The following AMELY variants were observed in gnomAD, a reference collection of about 807,000 sequenced individuals.
The protein encoded by AMELY is amelogenin Y-linked, also known as amelogenin, Y isoform.
In AMELY, 4 loss-of-function variants were observed where a neutral mutation model predicts 4.2. That is an observed-to-expected ratio of 0.96 (90% confidence interval 0.47 to 2.19). The LOEUF is 2.19. AMELY is among the 30% of genes most tolerant of loss of function. The pLI is 0.02. For missense variants in AMELY, 32 were observed against 41.5 expected, an observed-to-expected ratio of 0.77 and a Z score of 0.63; for synonymous variants, 11 against 14.7, an observed-to-expected ratio of 0.75 and a Z score of 0.57.
At chrY:6,871,990 CAACAAA>C (rs2054068372) in intron 3 of AMELY, among the ~76,000 whole-genome samples, 1 of 30,161 alleles carries the variant, frequency 3.3e-5, no homozygotes, top group African/African-American at 1.3e-4. Flanking sequence ...ACAACAACAA[CAACAAA>C]AAAACCTACA....
chrY:6,910,393 C>T (rs775141806), intron 1 of AMELY, among the ~76,000 whole-genome samples: 2 of 32,075 alleles, frequency 6.2e-5, no homozygotes, highest in East Asian at 1.7e-3. Context: ...TCCCCTCGCC[C>T]ACCCTCGGCA....
intron 1 of AMELY, among the ~76,000 whole-genome samples, chrY:6,886,537 G>A: frequency 3.0e-5 from 1 of 33,537 alleles, no homozygotes; most frequent in Non-Finnish European, 7.4e-5. Context: ...GCCAAGCATT[G>A]TGGTACACAT....
chrY:6,872,599 A>G lies in AMELY; in HGVS notation c.10T>C (p.Trp4Arg). Residue 4 changes from tryptophan (W) to arginine (R), a missense_variant, in exon 3 of 7, where the codon TGG becomes CGG. By Grantham distance (101) the Trp-to-Arg change is moderately radical (BLOSUM62 -3). Transcript: ENST00000651267. MGT[W>R]ILFACLVGAA... Reference sequence around the variant, plus strand: ...CCCACAAGGCAGGCAAACAAAATCCAGGTCCCCATTTCTTGATGGTTCTGA... The same window carrying G: ...CCCACAAGGCAGGCAAACAAAATCCGGGTCCCCATTTCTTGATGGTTCTGA... 2.5e-6 allele frequency: 1 copy of G among 397,162 alleles called. No individual in the cohort carries two copies. The highest frequency in any genetic ancestry group is 3.5e-6 in the Non-Finnish European group (1 of 282,360).
chrY:6,874,459 T>A, intron 1 of AMELY, among the ~76,000 whole-genome samples: 1 of 33,748 alleles, frequency 3.0e-5, no homozygotes, highest in Non-Finnish European at 7.4e-5. Flanking sequence ...AAAGTCTCTC[T>A]GGTGTGATCT....
intron 6 of AMELY, among the ~76,000 whole-genome samples, chrY:6,867,557 G>A: frequency 3.1e-5 from 1 of 32,649 alleles, no homozygotes; most frequent in Non-Finnish European, 7.5e-5. Context: ...GGAAACCTTC[G>A]TATAGGTTTT....
intron 1 of AMELY, among the ~76,000 whole-genome samples, chrY:6,888,677 CT>C (rs2054081392): frequency 3.3e-5 from 1 of 29,971 alleles, no homozygotes; most frequent in Non-Finnish European, 7.9e-5. Flanking sequence ...CAAGACCAGC[CT>C]GGGTAACATG....
intron 1 of AMELY, among the ~76,000 whole-genome samples, chrY:6,885,261 C>G (rs568523496): frequency 3.1e-4 from 10 of 32,720 alleles, no homozygotes; most frequent in African/African-American, 9.4e-4. Flanking sequence ...GGGCGGATCA[C>G]GAGGTCAGGA....
chrY:6,871,180 G>T (rs2054067203), intron 3 of AMELY, among the ~76,000 whole-genome samples: 1 of 32,420 alleles, frequency 3.1e-5, no homozygotes, highest in Admixed American at 2.9e-4. Context: ...TGGTTTTGTG[G>T]GTGAGAGAGG....
At chrY:6,874,629 G>T (rs931521311) in intron 1 of AMELY, among the ~76,000 whole-genome samples, 4 of 33,792 alleles carry the variant, frequency 1.2e-4, no homozygotes, top group Admixed American at 5.4e-4. Context: ...TATTGCCCTG[G>T]CTACTTCATC....
At chrY:6,909,565 CTGTGTA>C (rs2011677056) in intron 1 of AMELY, among the ~76,000 whole-genome samples, 1 of 33,385 alleles carries the variant, frequency 3.0e-5, no homozygotes, top group Non-Finnish European at 7.4e-5. Context: ...ATTATGGAGA[CTGTGTA>C]TGTGTATTTT....
At chrY:6,892,517 C>G in intron 1 of AMELY, among the ~76,000 whole-genome samples, 1 of 33,202 alleles carries the variant, frequency 3.0e-5, no homozygotes, top group Non-Finnish European at 7.4e-5. Flanking sequence ...AGGCAAAGCC[C>G]TAAACCCAGC....
chrY:6,894,506 G>C (rs777480367), intron 1 of AMELY, among the ~76,000 whole-genome samples: 24 of 33,482 alleles, frequency 7.2e-4, no homozygotes, highest in African/African-American at 2.8e-3. Flanking sequence ...ACAATACCTA[G>C]TTAGCCTGCA....
Position 6,911,749 on chromosome Y carries a change from TC to T in AMELY, c.-190del, listed in dbSNP as rs2011696950. Among the ~76,000 whole-genome samples the T allele has an allele frequency of 2.9e-5, 1 of 34,086 alleles. No homozygotes were observed. The highest frequency in any genetic ancestry group is 7.4e-5 in the Non-Finnish European group (1 of 13,598). 91.4% of individuals were successfully genotyped at this position (34,086 alleles called of 37,273 possible). ...CCTTGCTTCCCAGTGGTACCTTCTC[TC>T]ACGGAGGGGGCGGGGCCGTCCGCTT... On this transcript the variant is annotated 5_prime_UTR_variant, in exon 1 of 7. Coordinates refer to ENST00000651267, the MANE Select transcript of AMELY (RefSeq NM_001143.2).
intron 6 of AMELY, among the ~76,000 whole-genome samples, 175 bp downstream of exon 6, chrY:6,867,862 G>T: frequency 3.0e-5 from 1 of 33,600 alleles, no homozygotes; most frequent in African/African-American, 1.2e-4. Context: ...AAGCCATTTA[G>T]ATAAATTTGT....
chrY:6,899,229 T>C (rs1042332644), intron 1 of AMELY, among the ~76,000 whole-genome samples: 5 of 34,024 alleles, frequency 1.5e-4, no homozygotes, highest in African/African-American at 5.7e-4. Flanking sequence ...TGCATAATTT[T>C]TGCCTTTTAA....
intron 1 of AMELY, among the ~76,000 whole-genome samples, chrY:6,907,988 G>A: frequency 3.1e-5 from 1 of 32,673 alleles, no homozygotes; most frequent in Non-Finnish European, 7.5e-5. Flanking sequence ...GATTACAGGT[G>A]CAAGTCACCA....
chrY:6,904,401 C>G, intron 1 of AMELY, among the ~76,000 whole-genome samples: 2 of 33,598 alleles, frequency 6.0e-5, no homozygotes, highest in Admixed American at 5.4e-4. Flanking sequence ...AGTGCACAAC[C>G]AGGTGCACTG....
At chrY:6,873,162 G>C (rs749963494) in intron 2 of AMELY, among the ~76,000 whole-genome samples, 1 of 33,206 alleles carries the variant, frequency 3.0e-5, no homozygotes, top group Non-Finnish European at 7.5e-5. Context: ...AAATGACAGG[G>C]ATTTCTAGCC....
intron 1 of AMELY, among the ~76,000 whole-genome samples, chrY:6,885,301 C>T (rs113781025): frequency 3.3e-4 from 11 of 33,500 alleles, no homozygotes; most frequent in Middle Eastern, 0.014. Context: ...CAGTGAAACC[C>T]CGTCTCTACT....
Sources: gnomAD v4.1 joint callset for allele counts (sites outside exome capture counted in the v4.1 genomes callset) on GRCh38, gnomAD v4.1.1 for gene constraint, MANE v1.5 for transcripts, NCBI Gene and HGNC (gene_info 2026-07-23, HGNC 2026-07-21) for gene names.